SND1: variants seen among roughly 807,000 people sequenced by gnomAD.
SND1 encodes the protein staphylococcal nuclease domain-containing protein 1.
SND1 carries 38 observed loss-of-function variants against 121.7 expected under a neutral mutation model. The ratio of observed to expected loss-of-function variants is 0.31; its 90% CI spans 0.24 to 0.41. The LOEUF (loss-of-function observed/expected upper bound fraction) is 0.41. Ranked by LOEUF, SND1 falls within the 10% of genes least tolerant of loss-of-function variation. The pLI, the probability that SND1 is intolerant of heterozygous loss-of-function variation, is 1.00. For missense variants in SND1, 868 were observed against 1,184.6 expected (o/e 0.73, Z 3.92); for synonymous variants, 401 against 447.4 (o/e 0.90, Z 1.31).
At chr7:127,863,490 T>C (rs1799415528) in intron 12 of SND1, among the ~76,000 whole-genome samples, 1 of 152,258 alleles carries the variant, frequency 6.6e-6, no homozygotes, top group Non-Finnish European at 1.5e-5. Context: ...CCATAGAGTC[T>C]TCTCAGAGGC....
intron 10 of SND1, among the ~76,000 whole-genome samples, chr7:127,731,638 TTGCC>T (rs1025437816): frequency 1.3e-5 from 2 of 152,182 alleles, no homozygotes; most frequent in African/African-American, 2.4e-5. Flanking sequence ...ACACTCCTGT[TTGCC>T]TGCCAAGTTA....
chr7:128,021,439 C>T (rs1002658932), intron 16 of SND1, among the ~76,000 whole-genome samples: 6 of 152,150 alleles, frequency 3.9e-5, no homozygotes, highest in African/African-American at 1.2e-4. Flanking sequence ...GTTCACCTGC[C>T]GTGGGAGAAG....
chr7:127,793,058 T>G (rs979055207), intron 10 of SND1, among the ~76,000 whole-genome samples: 1 of 152,230 alleles, frequency 6.6e-6, no homozygotes, highest in Non-Finnish European at 1.5e-5. Flanking sequence ...AGTAGCTTCA[T>G]AATGGGCATA....
intron 16 of SND1, chr7:128,030,520 C>G: frequency 1.2e-6 from 2 of 1,613,336 alleles, no homozygotes; most frequent in Non-Finnish European, 1.7e-6. Context: ...TGGGGCCCGG[C>G]TGAGGCGGCA....
At chr7:128,031,723 G>C (rs1238144539) in intron 16 of SND1, 1 of 144,092 alleles carries the variant, frequency 6.9e-6, no homozygotes, top group African/African-American at 2.5e-5. Flanking sequence ...GTCCGGGGGC[G>C]GGCGCGGGTC....
chr7:127,827,125 A>G (rs189729293), intron 11 of SND1, among the ~76,000 whole-genome samples: 150 of 152,326 alleles, frequency 9.8e-4, no homozygotes, highest in Non-Finnish European at 1.6e-3. Context: ...TAGTAACTAG[A>G]TGTTTAAACT....
intron 4 of SND1, 68 bp downstream of exon 4, chr7:127,699,021 G>A: frequency 4.6e-6 from 6 of 1,309,112 alleles, no homozygotes; most frequent in South Asian, 1.2e-5. Context: ...TTTCATTCTT[G>A]CCCCCAGACA....
rs73721297 is a variant in SND1 at position 128,087,203 on chromosome 7, G to A, written c.2418+152G>A. 6.1e-3 allele frequency: 3,985 copies of A among 649,246 alleles called. 135 individuals are homozygous for A. The African/African-American group carries it at 0.064, about 10-fold the overall frequency. 40.2% of individuals were successfully genotyped at this position (649,246 alleles called of 1,614,324 possible). A position where few individuals can be genotyped will look rare whatever the true frequency, so the allele number is the denominator to read the frequency against. On this transcript the variant is annotated intron_variant, in intron 21 of 23. Coordinates refer to ENST00000354725, the MANE Select transcript of SND1 (RefSeq NM_014390.4). ...ATGGGAAGTTGAGGAAGATGCCACC[G>A]AGGAGGTAGTATTAGAGCATTCCAG... is the stretch of plus-strand genomic sequence containing the variant.
At chr7:127,793,644 C>A (rs1797957019) in intron 10 of SND1, among the ~76,000 whole-genome samples, 1 of 152,006 alleles carries the variant, frequency 6.6e-6, no homozygotes. Context: ...GCTGGAAGGA[C>A]AAGGGTATTT....
At chr7:128,073,249 A>T (rs1793444870) in intron 16 of SND1, among the ~76,000 whole-genome samples, 1 of 152,212 alleles carries the variant, frequency 6.6e-6, no homozygotes, top group Non-Finnish European at 1.5e-5. Context: ...CATGGACTGG[A>T]CCTATATGTT....
At chr7:127,835,227 T>C (rs1477116380) in intron 11 of SND1, among the ~76,000 whole-genome samples, 1 of 152,198 alleles carries the variant, frequency 6.6e-6, no homozygotes, top group Non-Finnish European at 1.5e-5. Flanking sequence ...GTTCCTCTCA[T>C]CATAGTTTCA....
rs779586278 is a variant in SND1 at position 127,704,883 on chromosome 7, C to T, written c.885C>T (p.Arg295=). ...TELLLKEGFA[R]CVDWSIAVYT... ...TCCTCCTGAAGGAAGGTTTCGCACG[C>T]TGTGTGGACTGGTCGATTGCAGTTT... The change falls in exon 8 of 24, where the codon CGC becomes CGT. Residue 295 remains arginine, a synonymous_variant. Coordinates refer to ENST00000354725, the MANE Select transcript of SND1 (RefSeq NM_014390.4). The T allele has an allele frequency of 3.1e-6, 5 of 1,613,988 alleles. No individual in the cohort carries two copies. The African/African-American group carries it at 6.7e-5, about 22-fold the overall frequency.
chr7:128,050,968 C>T lies in SND1; in HGVS notation c.1780-23534C>T, dbSNP rs551523888. Among the ~76,000 whole-genome samples, 3 of 152,336 alleles carry T rather than the reference C, an allele frequency of 2.0e-5. No individual in the cohort carries two copies. In the East Asian group the frequency reaches 5.8e-4, roughly 29 times the overall value. ...TGACCGTAGACTCCACCAAATCCAC[C>T]GCTGGGCCCATGCGAGTGGCAGTAG... On this transcript the variant is annotated intron_variant, in intron 16 of 23. Transcript: ENST00000354725.
chr7:127,817,021 T>C (rs578075208), intron 11 of SND1, among the ~76,000 whole-genome samples: 1 of 152,272 alleles, frequency 6.6e-6, no homozygotes, highest in African/African-American at 2.4e-5. Flanking sequence ...TGCCAAGGCA[T>C]TGGGGATAGA....
At chr7:127,753,875 A>G (rs1022658698) in intron 10 of SND1, among the ~76,000 whole-genome samples, 2 of 152,198 alleles carry the variant, frequency 1.3e-5, no homozygotes, top group Non-Finnish European at 2.9e-5. Context: ...CTCTTTGTCA[A>G]TACTACACCC....
At chr7:127,964,119 A>C (rs1355744464) in intron 15 of SND1, among the ~76,000 whole-genome samples, 12 of 146,562 alleles carry the variant, frequency 8.2e-5, no homozygotes, top group Non-Finnish European at 9.1e-5. Context: ...TTTTCTTGTA[A>C]ATTTGTTTGA....
At chr7:128,001,689 T>A (rs576226711) in intron 16 of SND1, among the ~76,000 whole-genome samples, 3 of 152,204 alleles carry the variant, frequency 2.0e-5, no homozygotes, top group African/African-American at 7.2e-5. Context: ...CCCAGCACTT[T>A]GGGAGGCCAA....
chr7:127,943,063 T>TA (rs1169277752), intron 15 of SND1, among the ~76,000 whole-genome samples: 1 of 152,240 alleles, frequency 6.6e-6, no homozygotes, highest in Non-Finnish European at 1.5e-5. Flanking sequence ...GAATACATCT[T>TA]ACTATTGGAA....
intron 16 of SND1, chr7:128,027,225 A>G (rs1803501068): frequency 6.6e-6 from 1 of 152,372 alleles, no homozygotes; most frequent in Admixed American, 6.6e-5. Flanking sequence ...AATAACTGAA[A>G]GAAGTTACAT....
Sources: gnomAD v4.1 joint callset for allele counts (sites outside exome capture counted in the v4.1 genomes callset) on GRCh38, gnomAD v4.1.1 for gene constraint, MANE v1.5 for transcripts, NCBI Gene and HGNC (gene_info 2026-07-23, HGNC 2026-07-21) for gene names.